DLGAP4: variants seen among roughly 807,000 people sequenced by gnomAD.
The protein encoded by DLGAP4 is disks large-associated protein 4.
DLGAP4 carries 18 observed loss-of-function variants against 86.9 expected under a neutral mutation model. The ratio of observed to expected loss-of-function variants is 0.21; its 90% CI spans 0.14 to 0.31. The LOEUF (loss-of-function observed/expected upper bound fraction) is 0.31. Ranked by LOEUF, DLGAP4 falls within the 10% of genes least tolerant of loss-of-function variation. The pLI is 1.00. For synonymous variants in DLGAP4, 548 were observed against 574.3 expected (o/e 0.95, Z 0.65); for missense variants, 1,085 against 1,362.6 (o/e 0.80, Z 3.21).
chr20:36,524,433 T>G, intron 11 of DLGAP4, 92 bp downstream of exon 11: 2 of 1,040,732 alleles, frequency 1.9e-6, no homozygotes, highest in Non-Finnish European at 2.8e-6. Context: ...TGTGCCCTCC[T>G]CTGTAACACA....
intron 2 of DLGAP4, among the ~76,000 whole-genome samples, chr20:36,401,266 A>G (rs2425253): frequency 0.7 from 105,767 of 152,142 alleles, 36,993 homozygotes; most frequent in South Asian, 0.83. Context: ...GATCCATCTT[A>G]AATGTCCTCT....
chr20:36,508,886 T>C (rs2036536153), intron 10 of DLGAP4: 1 of 152,264 alleles, frequency 6.6e-6, no homozygotes, highest in East Asian at 1.9e-4. Context: ...AAAGAGGTTA[T>C]ATCAGTTTAT....
chr20:36,326,996 CTTTTTT>C (rs377378667), intron 1 of DLGAP4, among the ~76,000 whole-genome samples: 3 of 99,480 alleles, frequency 3.0e-5, no homozygotes, highest in African/African-American at 8.9e-5. Context: ...AAGATTTTCT[CTTTTTT>C]TTTTTTTTTT....
intron 7 of DLGAP4, among the ~76,000 whole-genome samples, chr20:36,456,983 C>A (rs1379835367): frequency 1.3e-5 from 2 of 152,308 alleles, no homozygotes; most frequent in South Asian, 2.1e-4. Context: ...GTGCTCTGGG[C>A]CAGGCTGTGT....
At chr20:36,520,979 T>C (rs1373045670) in intron 10 of DLGAP4, among the ~76,000 whole-genome samples, 1 of 152,148 alleles carries the variant, frequency 6.6e-6, no homozygotes, top group Non-Finnish European at 1.5e-5. Context: ...ATTACAGGTG[T>C]CCACCACCAA....
intron 7 of DLGAP4, among the ~76,000 whole-genome samples, chr20:36,448,273 C>A (rs2033652619): frequency 6.6e-6 from 1 of 152,036 alleles, no homozygotes; most frequent in Non-Finnish European, 1.5e-5. Flanking sequence ...ACATCTGAGC[C>A]CAGGAGATGA....
chr20:36,521,902 A>G (rs2037401974), intron 10 of DLGAP4, among the ~76,000 whole-genome samples: 1 of 151,998 alleles, frequency 6.6e-6, no homozygotes, highest in African/African-American at 2.4e-5. Flanking sequence ...TTCCCTTTTA[A>G]TTACTAATTT....
intron 10 of DLGAP4, among the ~76,000 whole-genome samples, chr20:36,522,582 C>T (rs945408360): frequency 3.3e-5 from 5 of 152,212 alleles, no homozygotes; most frequent in South Asian, 2.1e-4. Context: ...GCGTAGTGGG[C>T]GTGATCTTGG....
At chr20:36,381,219 C>T (rs1460151031) in intron 2 of DLGAP4, among the ~76,000 whole-genome samples, 2 of 152,236 alleles carry the variant, frequency 1.3e-5, no homozygotes, top group Admixed American at 1.3e-4. Flanking sequence ...GCACTGAACA[C>T]AGTACTGCAC....
intron 2 of DLGAP4, among the ~76,000 whole-genome samples, chr20:36,418,175 G>A (rs765902845): frequency 8.6e-5 from 13 of 150,810 alleles, no homozygotes; most frequent in South Asian, 2.1e-4. Flanking sequence ...GTACAATGGC[G>A]CGATCTTGGC....
intron 7 of DLGAP4, among the ~76,000 whole-genome samples, chr20:36,448,660 A>G (rs746421766): frequency 1.1e-4 from 16 of 152,192 alleles, no homozygotes; most frequent in Non-Finnish European, 2.2e-4. Context: ...GGGGCTGGGC[A>G]TGGTGGCTCA....
intron 10 of DLGAP4, among the ~76,000 whole-genome samples, chr20:36,516,262 A>G (rs1438266533): frequency 5.3e-5 from 8 of 152,226 alleles, no homozygotes; most frequent in Admixed American, 5.2e-4. Context: ...CAGTGTGCAC[A>G]TTATAGAGAG....
chr20:36,521,170 C>G (rs2037356262), intron 10 of DLGAP4, among the ~76,000 whole-genome samples: 1 of 152,040 alleles, frequency 6.6e-6, no homozygotes. Flanking sequence ...GCCCAGGTTG[C>G]TCTCGAACTC....
At chr20:36,439,918 C>A in intron 5 of DLGAP4, 50 bp downstream of exon 5, 1 of 1,511,374 alleles carries the variant, frequency 6.6e-7, no homozygotes, top group South Asian at 1.2e-5. Flanking sequence ...GTACTGATTC[C>A]CATCTGGGAG....
At chr20:36,365,246 G>C (rs1204412399) in intron 1 of DLGAP4, among the ~76,000 whole-genome samples, 1 of 152,216 alleles carries the variant, frequency 6.6e-6, no homozygotes, top group Non-Finnish European at 1.5e-5. Flanking sequence ...CACCTCCCTT[G>C]GTTGCCACTT....
intron 7 of DLGAP4, among the ~76,000 whole-genome samples, chr20:36,455,327 C>G (rs2033852748): frequency 6.6e-6 from 1 of 152,140 alleles, no homozygotes; most frequent in Non-Finnish European, 1.5e-5. Context: ...TCCCCGTCCT[C>G]CCTTTCTGTG....
intron 2 of DLGAP4, among the ~76,000 whole-genome samples, chr20:36,383,727 G>C (rs1053979245): frequency 6.6e-6 from 1 of 152,072 alleles, no homozygotes; most frequent in East Asian, 1.9e-4. Context: ...TGTAATCCCA[G>C]CACTTTGGGA....
At chr20:36,520,455 C>T (rs1324254739) in intron 10 of DLGAP4, among the ~76,000 whole-genome samples, 1 of 152,102 alleles carries the variant, frequency 6.6e-6, no homozygotes, top group Non-Finnish European at 1.5e-5. Context: ...AAGTGATTCT[C>T]CTGCCTCAGC....
In DLGAP4 at chr20:36,496,177, T is replaced by C. The variant is rs553982153; in HGVS notation, c.1649-528T>C. Among the ~76,000 whole-genome samples the C allele has an allele frequency of 9.9e-5, 15 of 152,008 alleles. No homozygotes were observed. The East Asian group carries it at 2.9e-3, about 30-fold the overall frequency. On this transcript the variant is annotated intron_variant, in intron 7 of 12. Coordinates refer to ENST00000339266, the MANE Select transcript of DLGAP4 (RefSeq NM_001365621.2). The stretch of plus-strand genomic sequence containing the variant: ...GTGAGCCACTGCGCCCGGCCAGATG[T>C]GTTCATTTTTGACCAGGTGGAGAGG...
Sources: allele counts gnomAD v4.1 joint callset (sites outside exome capture counted in the v4.1 genomes callset), GRCh38; gene constraint gnomAD v4.1.1; transcripts MANE v1.5; gene names NCBI Gene and HGNC (gene_info 2026-07-23, HGNC 2026-07-21).